CNTN6: variants seen among roughly 807,000 people sequenced by gnomAD.
The protein encoded by CNTN6 is contactin-6.
CNTN6 carries 137 observed loss-of-function variants against 122.8 expected under a neutral mutation model. That is an observed-to-expected ratio of 1.12 (90% CI 0.97 to 1.29). CNTN6 has a LOEUF of 1.29. Ranked by LOEUF, CNTN6 falls within the 50% of genes most tolerant of loss-of-function variation. CNTN6 has a pLI of 0.00. For missense variants in CNTN6, 1,634 were observed against 1,223.4 expected, an observed-to-expected ratio of 1.34 and a Z score of -5.01; for synonymous variants, 570 against 426.0, an observed-to-expected ratio of 1.34 and a Z score of -4.16.
At chr3:1,318,897 T>G (rs1181001841) in intron 7 of CNTN6, among the ~76,000 whole-genome samples, 1 of 151,686 alleles carries the variant, frequency 6.6e-6, no homozygotes, top group Non-Finnish European at 1.5e-5. Context: ...ACAAAGTACA[T>G]AGGAATCTGG....
chr3:1,297,855 C>T (rs761630566), intron 6 of CNTN6, 34 bp from the exon 7 acceptor site: 4 of 1,528,616 alleles, frequency 2.6e-6, no homozygotes, highest in Non-Finnish European at 3.6e-6. Context: ...TTCTATTCTC[C>T]AGAAATGCTG....
chr3:1,369,539 C>G (rs1708696910), intron 12 of CNTN6, among the ~76,000 whole-genome samples: 1 of 152,118 alleles, frequency 6.6e-6, no homozygotes, highest in South Asian at 2.1e-4. Context: ...ATTTCTTATT[C>G]ATAAAGCTTT....
intron 2 of CNTN6, among the ~76,000 whole-genome samples, chr3:1,211,524 A>G (rs140571053): frequency 3.5e-4 from 54 of 152,294 alleles, no homozygotes; most frequent in African/African-American, 1.2e-3. Context: ...AAACCATACA[A>G]TTAGTGGTTC....
At chr3:1,375,277 C>T (rs1331309096) in intron 16 of CNTN6, among the ~76,000 whole-genome samples, 1 of 151,988 alleles carries the variant, frequency 6.6e-6, no homozygotes, top group Non-Finnish European at 1.5e-5. Flanking sequence ...CTTACATTTT[C>T]ATAGCAAAGT....
At chr3:1,269,090 T>C (rs1192727673) in intron 4 of CNTN6, among the ~76,000 whole-genome samples, 1 of 152,196 alleles carries the variant, frequency 6.6e-6, no homozygotes, top group Admixed American at 6.5e-5. Context: ...ATCATATATT[T>C]TGTACTTAAC....
chr3:1,128,815 C>T (rs2092253196), intron 1 of CNTN6, among the ~76,000 whole-genome samples: 1 of 151,940 alleles, frequency 6.6e-6, no homozygotes, highest in Non-Finnish European at 1.5e-5. Flanking sequence ...TTCTCTTTAG[C>T]AACCCAAACA....
At chr3:1,101,230 C>A (rs2090876945) in intron 1 of CNTN6, among the ~76,000 whole-genome samples, 2 of 152,116 alleles carry the variant, frequency 1.3e-5, no homozygotes, top group African/African-American at 4.8e-5. Context: ...TACCAGATCA[C>A]CAAGTTTCCA....
At chr3:1,194,659 A>G (rs1221600234) in intron 2 of CNTN6, among the ~76,000 whole-genome samples, 2 of 151,868 alleles carry the variant, frequency 1.3e-5, no homozygotes, top group Non-Finnish European at 2.9e-5. Context: ...AAATTTTGAT[A>G]CTGCATTTGT....
Position 1,197,258 on chromosome 3 carries a change from C to A in CNTN6, c.56-23429C>A, listed in dbSNP as rs76636054. Among the ~76,000 whole-genome samples, 883 of 152,284 alleles carry A rather than the reference C, an allele frequency of 5.8e-3. 15 individuals are homozygous for A. Among genetic ancestry groups the A allele is most frequent in the East Asian group, 0.022 (114 of 5,180 alleles). The stretch of plus-strand genomic sequence containing the variant: ...AGCAAGGTCCTGGTTTCTGATTAAT[C>A]TTTGGCTGGTCATTGAGGATACTGA... On this transcript the variant is annotated intron_variant, in intron 2 of 22. Transcript: ENST00000446702.
chr3:1,151,297 T>C (rs990801809), intron 2 of CNTN6, among the ~76,000 whole-genome samples: 3 of 152,186 alleles, frequency 2.0e-5, no homozygotes, highest in African/African-American at 7.2e-5. Flanking sequence ...CAAAAGTTAA[T>C]GTTGTTTGTT....
intron 7 of CNTN6, among the ~76,000 whole-genome samples, chr3:1,319,336 C>A (rs776548351): frequency 1.8e-4 from 27 of 151,606 alleles, no homozygotes; most frequent in Admixed American, 1.8e-3. Flanking sequence ...ATCCCAGCTC[C>A]GCCTCTTTAG....
chr3:1,165,938 GC>G (rs1406238774), intron 2 of CNTN6, among the ~76,000 whole-genome samples: 1 of 152,084 alleles, frequency 6.6e-6, no homozygotes, highest in African/African-American at 2.4e-5. Context: ...CCCTTCAAGG[GC>G]CACTCCAAAA....
At chr3:1,311,357 G>A (rs265813) in intron 7 of CNTN6, among the ~76,000 whole-genome samples, 18,112 of 102,156 alleles carry the variant, frequency 0.18, 2,211 homozygotes, top group African/African-American at 0.42. Context: ...GTCTTTATAT[G>A]TACATATATG....
intron 1 of CNTN6, among the ~76,000 whole-genome samples, chr3:1,140,311 C>T (rs1279510988): frequency 6.6e-6 from 1 of 152,114 alleles, no homozygotes; most frequent in African/African-American, 2.4e-5. Context: ...GAGGCTGGAG[C>T]TATGCTTTGG....
At chr3:1,248,509 A>G (rs773038493) in intron 4 of CNTN6, among the ~76,000 whole-genome samples, 5 of 152,212 alleles carry the variant, frequency 3.3e-5, no homozygotes, top group Non-Finnish European at 4.4e-5. Context: ...AATTAAGTTC[A>G]GAGAAGTGAA....
chr3:1,236,791 G>A (rs1431125517), intron 4 of CNTN6, among the ~76,000 whole-genome samples: 1 of 152,108 alleles, frequency 6.6e-6, no homozygotes, highest in Non-Finnish European at 1.5e-5. Flanking sequence ...AATCAAGAAG[G>A]CACCAGAGAC....
intron 5 of CNTN6, among the ~76,000 whole-genome samples, chr3:1,279,381 C>CTAAG (rs1368004413): frequency 6.6e-6 from 1 of 151,806 alleles, no homozygotes. Context: ...CAATATCACA[C>CTAAG]TATATTATAG....
chr3:1,224,256 G>A (rs2094247967), intron 3 of CNTN6, among the ~76,000 whole-genome samples: 1 of 151,742 alleles, frequency 6.6e-6, no homozygotes, highest in South Asian at 2.1e-4. Flanking sequence ...GTTACCAGAG[G>A]CTGAGTCAGG....
intron 1 of CNTN6, among the ~76,000 whole-genome samples, chr3:1,127,404 C>T (rs1217695759): frequency 6.6e-6 from 1 of 151,824 alleles, no homozygotes; most frequent in African/African-American, 2.4e-5. Flanking sequence ...TTTTTAATTA[C>T]ATAAATTCTT....
Sources: gnomAD v4.1 joint callset for allele counts (sites outside exome capture counted in the v4.1 genomes callset) on GRCh38, gnomAD v4.1.1 for gene constraint, MANE v1.5 for transcripts, NCBI Gene and HGNC (gene_info 2026-07-23, HGNC 2026-07-21) for gene names.